The following GDE1 variants were observed in gnomAD, a reference collection of about 807,000 sequenced individuals.
GDE1 encodes the protein RGS16-interacting membrane protein.
Under a neutral mutation model 32.2 loss-of-function variants are expected in GDE1, and 24 were observed. The observed-to-expected ratio is 0.75, with a 90% confidence interval of 0.54 to 1.05. The LOEUF (loss-of-function observed/expected upper bound fraction) is 1.05, where lower values mean the gene tolerates loss of function less well. Among genes scored for constraint, GDE1 ranks in the 50% least tolerant of loss-of-function variants. The pLI, the probability that GDE1 is intolerant of heterozygous loss-of-function variation, is 0.00. For missense variants in GDE1, 380 were observed against 415.0 expected, an observed-to-expected ratio of 0.92 and a Z score of 0.73; for synonymous variants, 159 against 158.6, an observed-to-expected ratio of 1.00 and a Z score of -0.02.
intron 1 of GDE1, among the ~76,000 whole-genome samples, chr16:19,517,553 A>G (rs1485056825): frequency 6.6e-6 from 1 of 152,230 alleles, no homozygotes; most frequent in Non-Finnish European, 1.5e-5. Context: ...TTGGTACAGC[A>G]GTTCTGATGA....
At chr16:19,508,566 A>G (rs1327753254) in intron 3 of GDE1, among the ~76,000 whole-genome samples, 1 of 152,226 alleles carries the variant, frequency 6.6e-6, no homozygotes, top group Non-Finnish European at 1.5e-5. Context: ...CAAAATAAAA[A>G]AGGACACAAA....
rs576948882 is a variant in GDE1 at position 19,508,813 on chromosome 16, G to C, written c.544-1034C>G. On this transcript the variant is annotated intron_variant, in intron 3 of 5. Coordinates refer to ENST00000353258, the MANE Select transcript of GDE1 (RefSeq NM_016641.4). The stretch of plus-strand genomic sequence containing the variant: ...AAGAGCTCAGTCAAGGACTGTTGGA[G>C]TCCCAAGCCCATGATTTTGGCCACT... Among the ~76,000 whole-genome samples, 100 of 152,246 alleles carry C rather than the reference G, an allele frequency of 6.6e-4. No individual in the cohort carries two copies. The Middle Eastern group carries it at 0.01, about 16-fold the overall frequency.
intron 4 of GDE1, among the ~76,000 whole-genome samples, chr16:19,505,805 G>A (rs1309902743): frequency 6.6e-6 from 1 of 152,198 alleles, no homozygotes. Flanking sequence ...AATTTTCAAT[G>A]TATGCTCTGT....
At chr16:19,511,178 C>A (rs985019739) in intron 2 of GDE1, among the ~76,000 whole-genome samples, 2 of 151,338 alleles carry the variant, frequency 1.3e-5, no homozygotes, top group Non-Finnish European at 2.9e-5. Flanking sequence ...TCTCAGCTCA[C>A]TGGAACTACC....
In GDE1 at chr16:19,503,660, CT is replaced by C. The variant is rs754008582; in HGVS notation, c.849-44del. 1.9e-6 allele frequency: 3 copies of C among 1,563,998 alleles called. No individual in the cohort carries two copies. In the Admixed American group the frequency reaches 5.1e-5, roughly 27 times the overall value. ...CCAATCCTGTTAGAATAATAAGCAGCTGTCTCAGGAATCCATAATGGCCACT... is the reference window on the plus strand; with the variant it reads ...CCAATCCTGTTAGAATAATAAGCAGCGTCTCAGGAATCCATAATGGCCACT... On this transcript the variant is annotated intron_variant, in intron 5 of 5. Transcript: ENST00000353258.
chr16:19,511,056 C>T (rs1477453289), intron 2 of GDE1, 112 bp from the exon 3 acceptor site: 11 of 555,668 alleles, frequency 2.0e-5, no homozygotes, highest in Non-Finnish European at 2.9e-5. Context: ...TTTTCTCCAA[C>T]TTCCTTTTTT....
chr16:19,504,789 C>A, intron 5 of GDE1, 92 bp downstream of exon 5: 1 of 806,380 alleles, frequency 1.2e-6, no homozygotes, highest in Non-Finnish European at 2.0e-6. Context: ...CAGGTCAGAA[C>A]CAATTCAGGT....
chr16:19,511,367 G>C (rs558072780), intron 2 of GDE1, among the ~76,000 whole-genome samples: 1 of 152,268 alleles, frequency 6.6e-6, no homozygotes, highest in Non-Finnish European at 1.5e-5. Flanking sequence ...GCCTCCCAAA[G>C]TGCTAGGATT....
intron 4 of GDE1, among the ~76,000 whole-genome samples, chr16:19,505,293 G>A (rs1250301862): frequency 6.6e-6 from 1 of 152,166 alleles, no homozygotes; most frequent in Non-Finnish European, 1.5e-5. Context: ...CAGCACATAT[G>A]AGAACTTTTT....
chr16:19,518,470 G>C (rs919390703), intron 1 of GDE1, among the ~76,000 whole-genome samples: 1 of 152,134 alleles, frequency 6.6e-6, no homozygotes, highest in Non-Finnish European at 1.5e-5. Flanking sequence ...CTGAGACAAA[G>C]AAAGAGTAGG....
chr16:19,511,799 G>A (rs758794241), intron 2 of GDE1, among the ~76,000 whole-genome samples: 1 of 151,948 alleles, frequency 6.6e-6, no homozygotes, highest in Non-Finnish European at 1.5e-5. Flanking sequence ...CCATATATGA[G>A]TGACAACATG....
In GDE1 at chr16:19,518,440, T is replaced by C. The variant is rs1489221632; in HGVS notation, c.262-1251A>G. Among the ~76,000 whole-genome samples the C allele has an allele frequency of 2.6e-5, 4 of 152,290 alleles. No individual in the cohort carries two copies. The East Asian group carries it at 7.7e-4, about 29-fold the overall frequency. The stretch of plus-strand genomic sequence containing the variant: ...CCTGAAGCAGGTACTATTAATATTC[T>C]CATTTAACAGATAAGAAAACTGAGA... On this transcript the variant is annotated intron_variant, in intron 1 of 5. Coordinates refer to ENST00000353258, the MANE Select transcript of GDE1 (RefSeq NM_016641.4).
In GDE1 at chr16:19,521,575, C is replaced by T. The variant is rs1969453682; in HGVS notation, c.261+129G>A. ...CTAGACACTGGGAGCGATCAAGGGC[C>T]GGGAGTGTGCCTTGTGGACGAATGA... On this transcript the variant is annotated intron_variant, in intron 1 of 5. Transcript: ENST00000353258. 1.4e-5 allele frequency: 14 copies of T among 1,020,642 alleles called. No individual in the cohort carries two copies. In the South Asian group the frequency reaches 2.2e-4, roughly 16 times the overall value. 63.2% of individuals were successfully genotyped at this position (1,020,642 alleles called of 1,614,324 possible).
chr16:19,511,410 A>G (rs1477381017), intron 2 of GDE1, among the ~76,000 whole-genome samples: 1 of 152,266 alleles, frequency 6.6e-6, no homozygotes, highest in East Asian at 1.9e-4. Flanking sequence ...GTCCTACTGT[A>G]ATAATTTGAA....
rs59519757 is a variant in GDE1 at position 19,502,374 on chromosome 16, C to CTTTTTT, written c.*1090_*1095dup. The CTTTTTT allele has an allele frequency of 1.2e-5, 1 of 82,192 alleles. No individual in the cohort carries two copies. The highest frequency in any genetic ancestry group is 1.5e-4 in the Admixed American group (1 of 6,688). The allele number at this position is 82,192 out of a possible 1,614,324, so 5.1% of individuals were successfully genotyped here. ...AAGATGTTCTAGAAGTTCTAGTTAT[C>CTTTTTT]TTTTTTTTTTTTTTTTTTTTTTTTT... On this transcript the variant is annotated 3_prime_UTR_variant, in exon 6 of 6. Coordinates refer to ENST00000353258, the MANE Select transcript of GDE1 (RefSeq NM_016641.4).
intron 5 of GDE1, 46 bp downstream of exon 5, chr16:19,504,835 C>T (rs1469589024): frequency 8.5e-7 from 1 of 1,174,990 alleles, no homozygotes; most frequent in South Asian, 1.4e-5. Context: ...CAAATAAGAG[C>T]ATTCAGGATG....
intron 2 of GDE1, 52 bp from the exon 3 acceptor site, chr16:19,510,996 G>T: frequency 1.2e-6 from 1 of 857,398 alleles, no homozygotes; most frequent in Non-Finnish European, 1.9e-6. Context: ...CAGATAAACT[G>T]TATTGCAACA....
intron 2 of GDE1, among the ~76,000 whole-genome samples, chr16:19,514,938 G>A (rs1969361689): frequency 6.6e-6 from 1 of 151,964 alleles, no homozygotes; most frequent in Non-Finnish European, 1.5e-5. Flanking sequence ...GTGGTGGCAT[G>A]TGCCTGTAAT....
intron 1 of GDE1, among the ~76,000 whole-genome samples, chr16:19,520,406 A>G (rs1012405367): frequency 2.1e-5 from 3 of 141,408 alleles, no homozygotes; most frequent in South Asian, 2.2e-4. Context: ...TTTAAAAAAA[A>G]AGAAAAAAAA....
Sources: gnomAD v4.1 joint callset for allele counts (sites outside exome capture counted in the v4.1 genomes callset) on GRCh38, gnomAD v4.1.1 for gene constraint, MANE v1.5 for transcripts, NCBI Gene and HGNC (gene_info 2026-07-23, HGNC 2026-07-21) for gene names.